The following SIGLEC6 variants were observed in gnomAD, a reference collection of about 807,000 sequenced individuals.
The protein encoded by SIGLEC6 is sialic acid-binding Ig-like lectin 6.
In SIGLEC6, 31 loss-of-function variants were observed where a neutral mutation model predicts 41.4. That is an observed-to-expected ratio of 0.75 (90% CI 0.56 to 1.01). The LOEUF is 1.01. Ranked by LOEUF, SIGLEC6 falls within the 50% of genes least tolerant of loss-of-function variation. The pLI is 0.00. For missense variants in SIGLEC6, 555 were observed against 558.6 expected (o/e 0.99, Z 0.06); for synonymous variants, 217 against 231.0 (o/e 0.94, Z 0.55).
intron 7 of SIGLEC6, among the ~76,000 whole-genome samples, chr19:51,523,633 T>G (rs1978673636): frequency 6.6e-6 from 1 of 152,198 alleles, no homozygotes; most frequent in South Asian, 2.1e-4. Flanking sequence ...CTGATGGAAC[T>G]GGGTAAACCA....
chr19:51,529,917 G>A lies in SIGLEC6; in HGVS notation c.819C>T (p.Leu273=), dbSNP rs764570044. ...CAGGGGGGTTGCCGTCAGCATCACA[G>A]AGCAGCCGCAGAGCCTGGCCCTCCA... ...PVLEGQALRL[L]CDADGNPPAH... The change falls in exon 5 of 8, where the codon CTC becomes CTT. Residue 273 remains leucine (L), a synonymous_variant. Coordinates refer to ENST00000425629, the MANE Select transcript of SIGLEC6 (RefSeq NM_001245.7). 1.9e-6 allele frequency: 3 copies of A among 1,613,520 alleles called. No homozygotes were observed. The East Asian group carries it at 6.7e-5, about 36-fold the overall frequency.
chr19:51,531,316 C>T lies in SIGLEC6; in HGVS notation c.271G>A (p.Gly91Ser). Residue 91 changes from glycine (G) to serine (S), a missense_variant, in exon 2 of 8, where the codon GGC (glycine) becomes AGC (serine). Physicochemically the swap from Gly to Ser is moderately conservative, Grantham distance 56. Transcript: ENST00000425629. ...GGATCCCAGAGGAGGTGGAATCGGC[C>T]CCGGGTCTCCTCCTGCACTTCTTCG... ...PDEEVQEETRGRFHLLWDPRR... is the reference protein window; with the variant it reads ...PDEEVQEETRSRFHLLWDPRR... 6.2e-7 allele frequency: 1 copy of T among 1,614,150 alleles called. No individual in the cohort carries two copies. The highest frequency in any genetic ancestry group is 8.5e-7 in the Non-Finnish European group (1 of 1,180,018).
At position 51,530,621 on chromosome 19, in the gene SIGLEC6, T is replaced by A. The variant is rs377718950; in HGVS notation, c.706+60A>T. Reference sequence around the variant, plus strand: ...CAGGTCCCCAACTTTAAGCTCTGGCTCAGCCCTGCCCTGTCCCCCCACACC... The same window carrying A: ...CAGGTCCCCAACTTTAAGCTCTGGCACAGCCCTGCCCTGTCCCCCCACACC... On this transcript the variant is annotated intron_variant, in intron 3 of 7. Transcript: ENST00000425629. The A allele has an allele frequency of 1.7e-5, 27 of 1,609,416 alleles. No individual in the cohort carries two copies. In the East Asian group the frequency reaches 5.8e-4, roughly 35 times the overall value.
At chr19:51,521,526 G>A (rs780012934) in intron 7 of SIGLEC6, among the ~76,000 whole-genome samples, 8 of 152,238 alleles carry the variant, frequency 5.3e-5, no homozygotes, top group African/African-American at 1.7e-4. Context: ...GGCAAAGTCC[G>A]AGACTAAAGG....
chr19:51,518,914 G>A lies in SIGLEC6; in HGVS notation c.*1168C>T, dbSNP rs561927118. Reference sequence around the variant, plus strand: ...GGGAGTCGTGAAGAGTTCTGAACAGGGGGTGACACAGACACCTGGTGCTGT... The same window carrying A: ...GGGAGTCGTGAAGAGTTCTGAACAGAGGGTGACACAGACACCTGGTGCTGT... On this transcript the variant is annotated 3_prime_UTR_variant, in exon 8 of 8. Coordinates refer to ENST00000425629, the MANE Select transcript of SIGLEC6 (RefSeq NM_001245.7). Among the ~76,000 whole-genome samples, 3 of 152,128 alleles carry A rather than the reference G, an allele frequency of 2.0e-5. No individual in the cohort carries two copies. The highest frequency in any genetic ancestry group is 7.2e-5 in the African/African-American group (3 of 41,424).
chr19:51,528,304 C>G (rs760242356), intron 5 of SIGLEC6, 51 bp from the exon 6 acceptor site: 2 of 1,488,600 alleles, frequency 1.3e-6, no homozygotes, highest in Non-Finnish European at 1.9e-6. Context: ...GGACATCCTC[C>G]CAACAGCCAT....
At position 51,531,168 on chromosome 19, in the gene SIGLEC6, C is replaced by G. The variant is rs371199372; in HGVS notation, c.419G>C (p.Arg140Pro). Residue 140 changes from arginine to proline, a missense_variant, in exon 2 of 8, where the codon CGT becomes CCT. Coordinates refer to ENST00000425629, the MANE Select transcript of SIGLEC6 (RefSeq NM_001245.7). ...YGYTSSKLSV[R>P]VMALTHRPNI... is the part of the protein sequence containing the mutation. ...TGGAGCTGGTTCCTTACCCATCACA[C>G]GCACAGAGAGCTTGGAAGATGTATA... The G allele has an allele frequency of 1.3e-6, 2 of 1,584,278 alleles. No individual in the cohort carries two copies. The highest frequency in any genetic ancestry group is 1.7e-6 in the Non-Finnish European group (2 of 1,163,570).
At chr19:51,526,231 AGT>A (rs1281134694) in intron 7 of SIGLEC6, among the ~76,000 whole-genome samples, 1 of 152,188 alleles carries the variant, frequency 6.6e-6, no homozygotes, top group Non-Finnish European at 1.5e-5. Flanking sequence ...ACGGGGCTGT[AGT>A]GTGCAGCCTG....
intron 3 of SIGLEC6, 54 bp downstream of exon 3, chr19:51,530,627 C>T: frequency 1.9e-6 from 3 of 1,610,818 alleles, no homozygotes; most frequent in Non-Finnish European, 1.7e-6. Context: ...TGGCTCAGCC[C>T]TGCCCTGTCC....
chr19:51,520,113 G>A lies in SIGLEC6; in HGVS notation c.1331C>T (p.Thr444Ile), dbSNP rs1220873033. Residue 444 changes from threonine (T) to isoleucine (I), a missense_variant, in exon 8 of 8, where the codon ACT becomes ATT. Physicochemically the swap from Thr to Ile is moderately conservative, Grantham distance 89. Transcript: ENST00000425629. ...VQPQEPKVTD[T>I]EYSEIKIHK Reference sequence around the variant, plus strand: ...GTGTATCTTGATTTCTGAGTACTCAGTGTCGGTGACCTTTGGTTCCTGAGG... The same window carrying A: ...GTGTATCTTGATTTCTGAGTACTCAATGTCGGTGACCTTTGGTTCCTGAGG... 6 of 1,590,804 alleles carry A rather than the reference G, an allele frequency of 3.8e-6. No individual in the cohort carries two copies. The highest frequency in any genetic ancestry group is 1.7e-5 in the Admixed American group (1 of 59,732).
chr19:51,529,404 G>T, intron 5 of SIGLEC6: 1 of 394,010 alleles, frequency 2.5e-6, no homozygotes, highest in Non-Finnish European at 4.8e-6. Flanking sequence ...GATGTTCTGG[G>T]CCTCAAAGCT....
chr19:51,528,190 AG>A lies in SIGLEC6; in HGVS notation c.1075del (p.Leu359TrpfsTer12), dbSNP rs746511960. On this transcript the variant is annotated frameshift_variant, in exon 6 of 8. Coordinates refer to ENST00000425629, the MANE Select transcript of SIGLEC6 (RefSeq NM_001245.7). LOFTEE classifies it high-confidence loss of function. Reference protein sequence around the residue: ...GAVWGASITTLVFLCVCFIFR... With the variant: ...GAVWGASITTXVFLCVCFIFR... ...GATGAAGCAAACACAGAGGAAAACCAGGGTTGTGATGCTAGCTCCCCAGACT... is the reference window on the plus strand; with the variant it reads ...GATGAAGCAAACACAGAGGAAAACCAGGTTGTGATGCTAGCTCCCCAGACT... The A allele has an allele frequency of 6.2e-7, 1 of 1,614,152 alleles. No homozygotes were observed. Among genetic ancestry groups the A allele is most frequent in the South Asian group, 1.1e-5 (1 of 91,078 alleles).
chr19:51,519,079 A>G lies in SIGLEC6; in HGVS notation c.*1003T>C, dbSNP rs1438187499. ...GGGAGGCCGAGGAGGGCAGATCACG[A>G]GGTCAGGAGATCAAGACCATCCTGG... is the stretch of plus-strand genomic sequence containing the variant. On this transcript the variant is annotated 3_prime_UTR_variant, in exon 8 of 8. Coordinates refer to ENST00000425629, the MANE Select transcript of SIGLEC6 (RefSeq NM_001245.7). Among the ~76,000 whole-genome samples, 1 of 152,084 alleles carries G rather than the reference A, an allele frequency of 6.6e-6. No individual in the cohort carries two copies. The highest frequency in any genetic ancestry group is 6.5e-5 in the Admixed American group (1 of 15,276).
intron 7 of SIGLEC6, among the ~76,000 whole-genome samples, chr19:51,522,990 A>G (rs1375774449): frequency 2.0e-5 from 3 of 152,144 alleles, no homozygotes; most frequent in African/African-American, 7.2e-5. Context: ...TGTTTAAAAA[A>G]TTAGCCAGGC....
chr19:51,531,510 G>A lies in SIGLEC6; in HGVS notation c.77C>T (p.Ala26Val), dbSNP rs773628178. The A allele has an allele frequency of 3.6e-5, 58 of 1,613,850 alleles. No individual in the cohort carries two copies. Among genetic ancestry groups the A allele is most frequent in the Non-Finnish European group, 4.6e-5 (54 of 1,179,882 alleles). ...CTCCAGCTGGAATCTCCGCTCCTGAGCCAGGGCCCCTATGGAGACATGAGG... is the reference window on the plus strand; with the variant it reads ...CTCCAGCTGGAATCTCCGCTCCTGAACCAGGGCCCCTATGGAGACATGAGG... ...LLPLLWAGALAQERRFQLEGP... is the reference protein window; with the variant it reads ...LLPLLWAGALVQERRFQLEGP... Residue 26 changes from alanine to valine, a missense_variant, in exon 2 of 8, where the codon GCT (alanine) becomes GTT (valine). Ala to Val is a moderately conservative substitution (Grantham distance 64). Transcript: ENST00000425629.
Position 51,527,783 on chromosome 19 carries a change from C to T in SIGLEC6, c.1152G>A (p.Thr384=), listed in dbSNP as rs372565332. Residue 384 remains threonine, a synonymous_variant, in exon 7 of 8, where the codon ACG becomes ACA. Transcript: ENST00000425629. Reference sequence around the variant, plus strand: ...AGACCATGACGGGGTTCACATCATCCGTGTTTTGCACTGGCTGGGCTGCTT... The same window carrying T: ...AGACCATGACGGGGTTCACATCATCTGTGTTTTGCACTGGCTGGGCTGCTT... The part of the protein sequence containing the change: ...RKKAAQPVQN[T]DDVNPVMVSG... 2.9e-5 allele frequency: 47 copies of T among 1,613,994 alleles called. No individual in the cohort carries two copies. The highest frequency in any genetic ancestry group is 3.6e-5 in the Non-Finnish European group (43 of 1,180,022).
rs1316040165 is a variant in SIGLEC6 at position 51,520,036 on chromosome 19, A to T, written c.*46T>A. Reference sequence around the variant, plus strand: ...CAGCCCTAGTAACCAATACACTGAGAGGTACCATGTTCTCTCCAATCAAGG... The same window carrying T: ...CAGCCCTAGTAACCAATACACTGAGTGGTACCATGTTCTCTCCAATCAAGG... On this transcript the variant is annotated 3_prime_UTR_variant, in exon 8 of 8. Transcript: ENST00000425629. The T allele has an allele frequency of 1.4e-6, 2 of 1,468,178 alleles. No homozygotes were observed. Among genetic ancestry groups the T allele is most frequent in the East Asian group, 4.7e-5 (2 of 42,608 alleles). The allele number at this position is 1,468,178 out of a possible 1,614,324, so 90.9% of individuals were successfully genotyped here. A position where few individuals can be genotyped will look rare whatever the true frequency, so the allele number is the denominator to read the frequency against.
chr19:51,529,895 G>A lies in SIGLEC6; in HGVS notation c.841C>T (p.Pro281Ser), dbSNP rs868837561. The A allele has an allele frequency of 8.7e-6, 14 of 1,613,968 alleles. No homozygotes were observed. The Middle Eastern group carries it at 8.2e-4, about 95-fold the overall frequency. The part of the protein sequence containing the change: ...RLLCDADGNP[P>S]AHLSWFQGFP... ...CCCTGGAACCAGCTCAGGTGTGCAG[G>A]GGGGTTGCCGTCAGCATCACAGAGC... The change falls in exon 5 of 8, where the codon CCT becomes TCT. Residue 281 changes from proline to serine, a missense_variant. Coordinates refer to ENST00000425629, the MANE Select transcript of SIGLEC6 (RefSeq NM_001245.7).
At chr19:51,530,026 C>A in intron 4 of SIGLEC6, 45 bp from the exon 5 acceptor site, 2 of 1,533,974 alleles carry the variant, frequency 1.3e-6, no homozygotes, top group Non-Finnish European at 1.8e-6. Flanking sequence ...GGTATAGGGG[C>A]AAAGCACTGG....
Sources: gnomAD v4.1 joint callset for allele counts (sites outside exome capture counted in the v4.1 genomes callset) on GRCh38, gnomAD v4.1.1 for gene constraint, MANE v1.5 for transcripts, NCBI Gene and HGNC (gene_info 2026-07-23, HGNC 2026-07-21) for gene names.